Variants in TRPM7 observed in about 807,000 individuals in gnomAD.
TRPM7 encodes the protein transient receptor potential cation channel subfamily M member 7, also known as LTRPC ion channel family member 7.
Under a neutral mutation model 229.7 loss-of-function variants are expected in TRPM7, and 134 were observed. That is an observed-to-expected ratio of 0.58 (90% CI 0.51 to 0.67). TRPM7 has a LOEUF of 0.67. Ranked by LOEUF, TRPM7 falls within the 30% of genes least tolerant of loss-of-function variation. The pLI is 0.00. For synonymous variants in TRPM7, 699 were observed against 715.2 expected (o/e 0.98, Z 0.36); for missense variants, 1,901 against 2,210.0 (o/e 0.86, Z 2.80).
rs765497130 is a variant in TRPM7, at chr15:50,583,130, C to T, written c.4516G>A (p.Glu1506Lys). The stretch of plus-strand genomic sequence containing the variant: ...TTGGAATCTACTTCATGAGTGTCTT[C>T]GGTAGATGGCCTTCTACTGATTTTT... Reference protein sequence around the residue: ...AEKISRRPSTEDTHEVDSKAA... With the variant: ...AEKISRRPSTKDTHEVDSKAA... Residue 1506 changes from glutamate (E) to lysine (K), a missense_variant, in exon 29 of 39, where the codon GAA (glutamate) becomes AAA (lysine). Transcript: ENST00000646667. The T allele has an allele frequency of 1.9e-6, 3 of 1,607,306 alleles. No homozygotes were observed. The highest frequency in any genetic ancestry group is 2.2e-5 in the South Asian group (2 of 89,306).
At chr15:50,565,847 G>A (rs920139461) in intron 38 of TRPM7, among the ~76,000 whole-genome samples, 10 of 149,594 alleles carry the variant, frequency 6.7e-5, no homozygotes, top group Non-Finnish European at 1.3e-4. Context: ...TTTTTGAGAC[G>A]GAGTCTTGCT....
rs1003866185 is a variant in TRPM7 at position 50,560,562 on chromosome 15, G to A, written c.*1116C>T. On this transcript the variant is annotated 3_prime_UTR_variant, in exon 39 of 39. Transcript: ENST00000646667. ...AGAAAAAAAAAGAAAAAAAATTAAA[G>A]CATAAAACTTAGATGAAAAGCTTTT... 2 of 152,248 alleles carry A rather than the reference G, an allele frequency of 1.3e-5. No individual in the cohort carries two copies. Among genetic ancestry groups the A allele is most frequent in the Non-Finnish European group, 2.9e-5 (2 of 67,932 alleles). The allele number at this position is 152,248 out of a possible 1,614,324, so 9.4% of individuals were successfully genotyped here.
At chr15:50,671,326 C>A (rs77092124) in intron 1 of TRPM7, among the ~76,000 whole-genome samples, 56 of 152,148 alleles carry the variant, frequency 3.7e-4, no homozygotes, top group African/African-American at 1.3e-3. Context: ...CTTTCTGTTC[C>A]TGGCTTATTT....
At position 50,648,776 on chromosome 15, in the gene TRPM7, ATTC is replaced by A; in HGVS notation, c.229_231del (p.Glu77del). 1.2e-6 allele frequency: 2 copies of A among 1,613,688 alleles called. No individual in the cohort carries two copies. The highest frequency in any genetic ancestry group is 1.7e-6 in the Non-Finnish European group (2 of 1,179,766). On this transcript the variant is annotated inframe_deletion, in exon 4 of 39. Coordinates refer to ENST00000646667, the MANE Select transcript of TRPM7 (RefSeq NM_017672.6). ...TGTTCTGTATGCTTTTCCACAGACC[ATTC>A]TTCTATTGCCTGATTAAAATGGTCA... is the stretch of plus-strand genomic sequence containing the variant.
intron 20 of TRPM7, 121 bp from the exon 21 acceptor site, chr15:50,605,265 T>C (rs2059891033): frequency 1.1e-6 from 1 of 933,262 alleles, no homozygotes; most frequent in African/African-American, 1.7e-5. Flanking sequence ...AACTTATTTA[T>C]TTTGAGACAG....
At chr15:50,602,494 G>A (rs530505729) in intron 21 of TRPM7, among the ~76,000 whole-genome samples, 8 of 152,240 alleles carry the variant, frequency 5.3e-5, no homozygotes, top group Admixed American at 4.6e-4. Flanking sequence ...TAAATCCTAC[G>A]TATTTTCTAA....
rs1003461532 is a variant in TRPM7 at position 50,560,288 on chromosome 15, A to G, written c.*1390T>C. 4 of 152,612 alleles carry G rather than the reference A, an allele frequency of 2.6e-5. No individual in the cohort carries two copies. Among genetic ancestry groups the G allele is most frequent in the South Asian group, 2.1e-4 (1 of 4,828 alleles). 9.5% of individuals were successfully genotyped at this position (152,612 alleles called of 1,614,324 possible). A position where few individuals can be genotyped will look rare whatever the true frequency, so the allele number is the denominator to read the frequency against. On this transcript the variant is annotated 3_prime_UTR_variant, in exon 39 of 39. Transcript: ENST00000646667. ...ATTTTTCAGAATGATTAAACTCACT[A>G]AACATCTGTAAACAATAAATTTATT...
chr15:50,613,013 A>AG (rs2060106188), intron 15 of TRPM7, among the ~76,000 whole-genome samples, 184 bp from the exon 16 acceptor site: 1 of 152,206 alleles, frequency 6.6e-6, no homozygotes, highest in Non-Finnish European at 1.5e-5. Flanking sequence ...CTGTTTCAAC[A>AG]AAAATGCCTT....
intron 36 of TRPM7, among the ~76,000 whole-genome samples, chr15:50,572,254 C>T (rs1296773720): frequency 6.6e-6 from 1 of 152,190 alleles, no homozygotes; most frequent in East Asian, 1.9e-4. Flanking sequence ...CTACTGCACT[C>T]CAGCCTGGGC....
At chr15:50,624,133 TG>T in intron 12 of TRPM7, 32 bp downstream of exon 12, 1 of 1,577,508 alleles carries the variant, frequency 6.3e-7, no homozygotes, top group Non-Finnish European at 8.6e-7. Context: ...AAAGATAAAA[TG>T]TAGTCAATAA....
In TRPM7 at chr15:50,637,533, G is replaced by C; in HGVS notation, c.721C>G (p.Leu241Val). 1.2e-6 allele frequency: 2 copies of C among 1,614,082 alleles called. No homozygotes were observed. Residue 241 changes from leucine to valine, a missense_variant, in exon 7 of 39, where the codon CTG becomes GTG. This residue lies in a region of TRPM7 where 794 missense variants were observed against 881.9 expected (regional missense o/e 0.90). Coordinates refer to ENST00000646667, the MANE Select transcript of TRPM7 (RefSeq NM_017672.6). ...TCCACCAATATGAAATGGGAATGCA[G>C]ATTATTCAAAACATTCAATTTGCTC... ...PLSKLNVLNN[L>V]HSHFILVDDG...
intron 13 of TRPM7, among the ~76,000 whole-genome samples, chr15:50,617,521 A>G (rs2060261740): frequency 6.6e-6 from 1 of 152,162 alleles, no homozygotes; most frequent in African/African-American, 2.4e-5. Flanking sequence ...AAAAATTTTA[A>G]GTATAAAATG....
chr15:50,683,719 C>CA (rs200005006), intron 1 of TRPM7, among the ~76,000 whole-genome samples: 83 of 150,620 alleles, frequency 5.5e-4, no homozygotes, highest in Admixed American at 3.7e-3. Flanking sequence ...GACTCTGTTC[C>CA]AAAAAAAACA....
At chr15:50,573,761 C>G (rs1173108176) in intron 36 of TRPM7, among the ~76,000 whole-genome samples, 3 of 152,106 alleles carry the variant, frequency 2.0e-5, no homozygotes, top group Non-Finnish European at 4.4e-5. Flanking sequence ...ATTATCTTAA[C>G]CATAATTTAG....
chr15:50,596,398 A>G lies in TRPM7; in HGVS notation c.3164-17T>C. The G allele has an allele frequency of 6.4e-7, 1 of 1,556,446 alleles. No homozygotes were observed. The highest frequency in any genetic ancestry group is 8.6e-7 in the Non-Finnish European group (1 of 1,158,936). ...TTGCACACACTTTAGAGAGAAAAAA[A>G]GAAAAAAACAAAAACAACTTAAAAA... On this transcript the variant is annotated splice_polypyrimidine_tract_variant and intron_variant, in intron 22 of 38. Transcript: ENST00000646667.
chr15:50,598,527 G>A (rs941839702), intron 22 of TRPM7, among the ~76,000 whole-genome samples: 15 of 152,094 alleles, frequency 9.9e-5, no homozygotes, highest in Non-Finnish European at 2.1e-4. Context: ...TGTAATTAAC[G>A]TTGTGCTTGA....
At chr15:50,660,724 A>C (rs1017518190) in intron 2 of TRPM7, among the ~76,000 whole-genome samples, 4 of 152,178 alleles carry the variant, frequency 2.6e-5, no homozygotes, top group African/African-American at 9.7e-5. Context: ...TCCAGTCATT[A>C]CTCAGTAAAG....
intron 17 of TRPM7, among the ~76,000 whole-genome samples, chr15:50,610,440 C>G (rs2060036236): frequency 6.6e-6 from 1 of 152,048 alleles, no homozygotes; most frequent in African/African-American, 2.4e-5. Flanking sequence ...TGCAAAATCC[C>G]AAAGCATGAA....
chr15:50,600,497 T>C (rs549420277), intron 21 of TRPM7, among the ~76,000 whole-genome samples: 3 of 151,076 alleles, frequency 2.0e-5, no homozygotes, highest in Admixed American at 6.6e-5. Context: ...ACTCTAGCAA[T>C]ATGTAATATT....
Sources: gnomAD v4.1 joint callset for allele counts (sites outside exome capture counted in the v4.1 genomes callset) on GRCh38, gnomAD v4.1.1 for gene constraint, gnomAD v4.1.1 regional missense constraint, MANE v1.5 for transcripts, NCBI Gene and HGNC (gene_info 2026-07-23, HGNC 2026-07-21) for gene names.